Variants in LRFN5 observed in about 807,000 individuals in gnomAD.
The protein encoded by LRFN5 is leucine-rich repeat and fibronectin type-III domain-containing protein 5.
Under a neutral mutation model 45.6 loss-of-function variants are expected in LRFN5, and 24 were observed. The observed-to-expected ratio is 0.53, with a 90% CI of 0.38 to 0.74. The LOEUF (loss-of-function observed/expected upper bound fraction) is 0.74. LRFN5 is among the 30% of genes least tolerant of loss of function. The pLI is 0.00. For missense variants in LRFN5, 776 were observed against 861.5 expected, an observed-to-expected ratio of 0.90 and a Z score of 1.24; for synonymous variants, 340 against 313.8, an observed-to-expected ratio of 1.08 and a Z score of -0.88.
rs529234262 is a variant in LRFN5 at position 41,714,588 on chromosome 14, T to C, written c.-196-52266T>C. On this transcript the variant is annotated intron_variant, in intron 1 of 5. Coordinates refer to ENST00000298119, the MANE Select transcript of LRFN5 (RefSeq NM_152447.5). ...TTTTCTGATGTGTGGAGAACATTGGTATTTTAGATTTTTTTAGTCAAAGAT... is the reference window on the plus strand; with the variant it reads ...TTTTCTGATGTGTGGAGAACATTGGCATTTTAGATTTTTTTAGTCAAAGAT... Among the ~76,000 whole-genome samples the C allele has an allele frequency of 2.7e-4, 41 of 152,244 alleles. 1 individual carries two copies. Among genetic ancestry groups the C allele is most frequent in the Non-Finnish European group, 7.4e-5 (5 of 68,018 alleles).
At chr14:41,694,727 A>G (rs981779300) in intron 1 of LRFN5, among the ~76,000 whole-genome samples, 1 of 151,962 alleles carries the variant, frequency 6.6e-6, no homozygotes, top group Non-Finnish European at 1.5e-5. Context: ...GGTAATTCAT[A>G]CAATATTTCA....
At chr14:41,613,337 T>C (rs1190133512) in intron 1 of LRFN5, among the ~76,000 whole-genome samples, 1 of 152,044 alleles carries the variant, frequency 6.6e-6, no homozygotes, top group Non-Finnish European at 1.5e-5. Context: ...CACCACACTG[T>C]CTTCCACAAT....
At chr14:41,851,069 ATTAAT>A (rs1889249102) in intron 2 of LRFN5, among the ~76,000 whole-genome samples, 1 of 151,704 alleles carries the variant, frequency 6.6e-6, no homozygotes. Context: ...CTTCAATACA[ATTAAT>A]TTAATTTCAA....
chr14:41,823,225 AG>A (rs1361130702), intron 2 of LRFN5, among the ~76,000 whole-genome samples: 1 of 151,960 alleles, frequency 6.6e-6, no homozygotes, highest in African/African-American at 2.4e-5. Flanking sequence ...GTGCTATATA[AG>A]ACCTGTGAGT....
Position 41,904,157 on chromosome 14 carries a change from G to A in LRFN5, c.2143-1G>A. On this transcript the variant is annotated splice_acceptor_variant, in intron 5 of 5. Transcript: ENST00000298119. LOFTEE classifies it high-confidence loss of function. The stretch of plus-strand genomic sequence containing the variant: ...TCCTTTTTCTTTTTCTTTCATTTCA[G>A]AGGCTGGAGTTAATCTGAAGAGCAC... 1 of 1,597,228 alleles carries A rather than the reference G, an allele frequency of 6.3e-7. No individual in the cohort carries two copies. The highest frequency in any genetic ancestry group is 1.1e-5 in the South Asian group (1 of 89,030).
At chr14:41,873,448 A>C (rs975958338) in intron 2 of LRFN5, among the ~76,000 whole-genome samples, 27 of 148,860 alleles carry the variant, frequency 1.8e-4, no homozygotes, top group African/African-American at 6.2e-4. Context: ...AGAGAGAGAG[A>C]AGGAGAGAGA....
rs1296258031 is a variant in LRFN5, at chr14:41,843,019, T to A, written c.-20-43587T>A. Among the ~76,000 whole-genome samples, 3 of 152,016 alleles carry A rather than the reference T, an allele frequency of 2.0e-5. No homozygotes were observed. In the East Asian group the frequency reaches 5.8e-4, roughly 29 times the overall value. On this transcript the variant is annotated intron_variant, in intron 2 of 5. Transcript: ENST00000298119. ...ATTCATATCATTTCTTTTTGAGATA[T>A]AGGTGTATGTAAATTTTCTCCCACT...
intron 2 of LRFN5, among the ~76,000 whole-genome samples, chr14:41,866,067 A>G (rs901286197): frequency 5.9e-5 from 9 of 152,122 alleles, no homozygotes; most frequent in Non-Finnish European, 1.0e-4. Context: ...TTGATGACCA[A>G]TTTTGCTTCA....
At chr14:41,659,324 A>G (rs534871328) in intron 1 of LRFN5, among the ~76,000 whole-genome samples, 14 of 152,104 alleles carry the variant, frequency 9.2e-5, no homozygotes, top group Middle Eastern at 3.4e-3. Flanking sequence ...TTCCTGTGCT[A>G]CTTTGCTTAG....
At chr14:41,763,340 T>C (rs997983645) in intron 1 of LRFN5, among the ~76,000 whole-genome samples, 3 of 152,214 alleles carry the variant, frequency 2.0e-5, no homozygotes, top group Non-Finnish European at 4.4e-5. Context: ...AGGCAATTGA[T>C]GAACACTTAG....
intron 2 of LRFN5, among the ~76,000 whole-genome samples, chr14:41,863,026 G>A (rs951094133): frequency 1.3e-5 from 2 of 151,680 alleles, no homozygotes; most frequent in Non-Finnish European, 2.9e-5. Context: ...CATGATGCCC[G>A]GCTAATTTTT....
chr14:41,871,487 T>A (rs1221238813), intron 2 of LRFN5, among the ~76,000 whole-genome samples: 1 of 151,668 alleles, frequency 6.6e-6, no homozygotes, highest in Non-Finnish European at 1.5e-5. Context: ...TATTTGGGAG[T>A]CTGAGTCAGG....
chr14:41,891,588 G>A lies in LRFN5; in HGVS notation c.1724G>A (p.Gly575Glu). The change falls in exon 4 of 6, where the codon GGG becomes GAG. Residue 575 changes from glycine to glutamate, a missense_variant. Gly to Glu is a moderately conservative substitution (Grantham distance 98). Around this residue, in one of 2 missense-constraint regions of LRFN5, gnomAD observed 465 missense variants for 456.4 expected, o/e 1.02. Transcript: ENST00000298119. ...KVSNVYSQTN[G>E]AQIQGCSVTL... ...AGCAATGTTTATTCCCAAACTAACG[G>A]GGCTCAAATACAAGGCTGTAGTGTA... 6.2e-7 allele frequency: 1 copy of A among 1,614,106 alleles called. No homozygotes were observed. Among genetic ancestry groups the A allele is most frequent in the Non-Finnish European group, 8.5e-7 (1 of 1,180,008 alleles).
chr14:41,752,990 C>T (rs1412403760), intron 1 of LRFN5, among the ~76,000 whole-genome samples: 1 of 152,172 alleles, frequency 6.6e-6, no homozygotes, highest in African/African-American at 2.4e-5. Flanking sequence ...ATATGGCTAG[C>T]AAGTCTTCCC....
chr14:41,904,104 T>TCTTTCTTTCTTC, intron 5 of LRFN5, 54 bp from the exon 6 acceptor site: 1 of 1,435,828 alleles, frequency 7.0e-7, no homozygotes, highest in Non-Finnish European at 9.6e-7. Context: ...CTATGTGTTT[T>TCTTTCTTTCTTC]CTTTCTTTCT....
chr14:41,678,913 C>T (rs143640531), intron 1 of LRFN5, among the ~76,000 whole-genome samples: 4 of 152,262 alleles, frequency 2.6e-5, no homozygotes, highest in South Asian at 2.1e-4. Flanking sequence ...AACAGTCTCA[C>T]GGCACAGAGA....
intron 2 of LRFN5, among the ~76,000 whole-genome samples, chr14:41,843,645 T>G (rs1452280131): frequency 6.6e-6 from 1 of 152,116 alleles, no homozygotes; most frequent in East Asian, 1.9e-4. Flanking sequence ...GATATACTGT[T>G]GCTCCAGCAC....
At chr14:41,692,948 T>C (rs2138708677) in intron 1 of LRFN5, among the ~76,000 whole-genome samples, 1 of 152,238 alleles carries the variant, frequency 6.6e-6, no homozygotes, top group East Asian at 1.9e-4. Flanking sequence ...TACTTTTTTT[T>C]CCTGTAGATA....
At chr14:41,636,560 C>T (rs1459021658) in intron 1 of LRFN5, among the ~76,000 whole-genome samples, 1 of 151,470 alleles carries the variant, frequency 6.6e-6, no homozygotes, top group Non-Finnish European at 1.5e-5. Flanking sequence ...CACATGTATA[C>T]ATATGTAACA....
Sources: gnomAD v4.1 joint callset for allele counts (sites outside exome capture counted in the v4.1 genomes callset) on GRCh38, gnomAD v4.1.1 for gene constraint, gnomAD v4.1.1 regional missense constraint, MANE v1.5 for transcripts, NCBI Gene and HGNC (gene_info 2026-07-23, HGNC 2026-07-21) for gene names.